Variants in WWP1 observed in about 807,000 individuals in gnomAD.
WWP1 encodes the protein NEDD4-like E3 ubiquitin-protein ligase WWP1.
WWP1 carries 49 observed loss-of-function variants against 130.6 expected under a neutral mutation model. The observed-to-expected ratio is 0.38, with a 90% CI of 0.30 to 0.48. The LOEUF (loss-of-function observed/expected upper bound fraction) is 0.48, where lower values mean the gene tolerates loss of function less well. Ranked by LOEUF, WWP1 falls within the 20% of genes least tolerant of loss-of-function variation. The pLI is 0.99. For synonymous variants in WWP1, 332 were observed against 367.8 expected, an observed-to-expected ratio of 0.90 and a Z score of 1.11; for missense variants, 809 against 1,100.6, an observed-to-expected ratio of 0.74 and a Z score of 3.75.
intron 24 of WWP1, among the ~76,000 whole-genome samples, chr8:86,464,889 A>G (rs1269861675): frequency 6.6e-6 from 1 of 151,102 alleles, no homozygotes; most frequent in African/African-American, 2.4e-5. Flanking sequence ...AATAAAAGTG[A>G]TAGATCCATA....
At chr8:86,463,586 G>C (rs1023339869) in intron 24 of WWP1, among the ~76,000 whole-genome samples, 1 of 151,894 alleles carries the variant, frequency 6.6e-6, no homozygotes, top group Non-Finnish European at 1.5e-5. Flanking sequence ...GATTACAGGC[G>C]TGAGCCACCA....
At chr8:86,442,546 T>A in intron 17 of WWP1, 73 bp from the exon 18 acceptor site, 4 of 1,374,590 alleles carry the variant, frequency 2.9e-6, no homozygotes, top group Non-Finnish European at 3.9e-6. Context: ...GATGTATATA[T>A]GAATATATTT....
intron 1 of WWP1, among the ~76,000 whole-genome samples, chr8:86,351,211 G>A (rs573071445): frequency 5.9e-5 from 9 of 152,294 alleles, no homozygotes; most frequent in African/African-American, 2.2e-4. Flanking sequence ...CATGTTTATT[G>A]CTCGTAATTC....
intron 8 of WWP1, 138 bp downstream of exon 8, chr8:86,402,341 A>C: frequency 9.0e-7 from 1 of 1,116,960 alleles, no homozygotes; most frequent in South Asian, 1.7e-5. Flanking sequence ...GCTGGAGTGC[A>C]GTGGTGCGAT....
chr8:86,360,342 A>G (rs2130189579), intron 1 of WWP1, among the ~76,000 whole-genome samples: 1 of 152,190 alleles, frequency 6.6e-6, no homozygotes, highest in African/African-American at 2.4e-5. Flanking sequence ...TCAGTAAACA[A>G]TTTGCTCTTT....
At chr8:86,367,682 CTT>C (rs1824048691) in intron 1 of WWP1, among the ~76,000 whole-genome samples, 1 of 152,146 alleles carries the variant, frequency 6.6e-6, no homozygotes, top group African/African-American at 2.4e-5. Context: ...AAAACTCAGA[CTT>C]TGTTTTTTCT....
intron 21 of WWP1, among the ~76,000 whole-genome samples, chr8:86,454,846 A>G (rs1811355227): frequency 6.6e-6 from 1 of 152,048 alleles, no homozygotes; most frequent in Non-Finnish European, 1.5e-5. Flanking sequence ...AGATGACTGA[A>G]GCCCTTAATG....
intron 20 of WWP1, among the ~76,000 whole-genome samples, chr8:86,450,816 A>T (rs1455321252): frequency 2.6e-5 from 4 of 152,168 alleles, no homozygotes. Context: ...TGGTGGAAAT[A>T]TATATGAAGT....
intron 2 of WWP1, among the ~76,000 whole-genome samples, chr8:86,373,209 C>G (rs1305054362): frequency 6.6e-6 from 1 of 151,636 alleles, no homozygotes; most frequent in Non-Finnish European, 1.5e-5. Context: ...CGGACAGAAA[C>G]TTAGAACATT....
At chr8:86,377,120 C>T (rs1173646127) in intron 3 of WWP1, among the ~76,000 whole-genome samples, 1 of 152,016 alleles carries the variant, frequency 6.6e-6, no homozygotes, top group Admixed American at 6.6e-5. Flanking sequence ...GAGTCTTGCT[C>T]TGTTGCCCAG....
At chr8:86,410,969 A>T (rs1339233765) in intron 8 of WWP1, among the ~76,000 whole-genome samples, 1 of 152,202 alleles carries the variant, frequency 6.6e-6, no homozygotes, top group Non-Finnish European at 1.5e-5. Flanking sequence ...AGTGACACGT[A>T]GTCGAACTAG....
chr8:86,465,581 C>T (rs1034317570), intron 24 of WWP1, among the ~76,000 whole-genome samples: 5 of 151,922 alleles, frequency 3.3e-5, no homozygotes, highest in South Asian at 2.1e-4. Flanking sequence ...CGCAGTGAGC[C>T]GAGACAGTAG....
chr8:86,399,078 T>C (rs908301529), intron 7 of WWP1, among the ~76,000 whole-genome samples: 1 of 152,216 alleles, frequency 6.6e-6, no homozygotes, highest in Admixed American at 6.5e-5. Context: ...TGTGACTGAC[T>C]TCTTTTTCTT....
chr8:86,427,163 CAA>C (rs750674032), intron 10 of WWP1, among the ~76,000 whole-genome samples: 16 of 127,438 alleles, frequency 1.3e-4, no homozygotes, highest in Admixed American at 1.6e-4. Context: ...AACGCCATCT[CAA>C]AAAAAAAAAA....
intron 18 of WWP1, among the ~76,000 whole-genome samples, chr8:86,446,680 A>G (rs1810900771): frequency 6.6e-6 from 1 of 152,178 alleles, no homozygotes; most frequent in Admixed American, 6.5e-5. Context: ...ATTCTTCTGT[A>G]TGAAGAAGCC....
intron 5 of WWP1, among the ~76,000 whole-genome samples, chr8:86,390,585 T>C (rs964992297): frequency 1.3e-5 from 2 of 152,016 alleles, no homozygotes; most frequent in Non-Finnish European, 2.9e-5. Context: ...TCCCAGGCAC[T>C]AGGCAGGCTG....
chr8:86,343,960 ATT>A (rs886251122), intron 1 of WWP1, among the ~76,000 whole-genome samples: 5 of 143,934 alleles, frequency 3.5e-5, no homozygotes, highest in African/African-American at 1.3e-4. Context: ...AGTTACCTGC[ATT>A]TTTTTTTTTT....
intron 1 of WWP1, among the ~76,000 whole-genome samples, chr8:86,357,291 A>G (rs1424278433): frequency 6.6e-6 from 1 of 152,194 alleles, no homozygotes; most frequent in African/African-American, 2.4e-5. Context: ...AGTGTTTTCT[A>G]AACTGATGAC....
At chr8:86,346,154 G>T (rs1469313277) in intron 1 of WWP1, among the ~76,000 whole-genome samples, 1 of 152,194 alleles carries the variant, frequency 6.6e-6, no homozygotes, top group African/African-American at 2.4e-5. Flanking sequence ...ATATGTGCAT[G>T]AGAGCTGGTG....
Sources: allele counts gnomAD v4.1 joint callset (sites outside exome capture counted in the v4.1 genomes callset), GRCh38; gene constraint gnomAD v4.1.1; transcripts MANE v1.5; gene names NCBI Gene and HGNC (gene_info 2026-07-23, HGNC 2026-07-21).